The following PDZD2 variants were observed in gnomAD, a reference collection of about 807,000 sequenced individuals.
The protein encoded by PDZD2 is PDZ domain-containing protein 2.
Under a neutral mutation model 220.7 loss-of-function variants are expected in PDZD2, and 90 were observed. That is an observed-to-expected ratio of 0.41 (90% confidence interval 0.34 to 0.49). PDZD2 has a LOEUF of 0.49. Ranked by LOEUF, PDZD2 falls within the 20% of genes least tolerant of loss-of-function variation. PDZD2 has a pLI of 0.28. For synonymous variants in PDZD2, 1,375 were observed against 1,450.5 expected, an observed-to-expected ratio of 0.95 and a Z score of 1.18; for missense variants, 3,174 against 3,608.5, an observed-to-expected ratio of 0.88 and a Z score of 3.08.
At chr5:31,930,491 G>A (rs112230481) in intron 2 of PDZD2, among the ~76,000 whole-genome samples, 270 of 152,074 alleles carry the variant, frequency 1.8e-3, no homozygotes, top group African/African-American at 6.3e-3. Context: ...GAGCCACCGC[G>A]TCCGGCCAGG....
intron 6 of PDZD2, among the ~76,000 whole-genome samples, chr5:32,036,327 T>G (rs1399999057): frequency 6.6e-6 from 1 of 152,204 alleles, no homozygotes; most frequent in Non-Finnish European, 1.5e-5. Context: ...ATTACCTATT[T>G]TAATATAAGA....
chr5:31,856,720 G>A (rs998275571), intron 2 of PDZD2, among the ~76,000 whole-genome samples: 1 of 152,068 alleles, frequency 6.6e-6, no homozygotes, highest in Non-Finnish European at 1.5e-5. Flanking sequence ...TGAGTCCATT[G>A]CACTGTTTCC....
At chr5:31,887,874 G>A (rs62361610) in intron 2 of PDZD2, among the ~76,000 whole-genome samples, 20,838 of 151,560 alleles carry the variant, frequency 0.14, 1,520 homozygotes, top group Middle Eastern at 0.21. Flanking sequence ...GGATTGGTCT[G>A]TGGGGGGACA....
chr5:31,840,298 T>TG lies in PDZD2; in HGVS notation c.476+40581dup, dbSNP rs1008796699. On this transcript the variant is annotated intron_variant, in intron 2 of 24. Coordinates refer to ENST00000438447, the MANE Select transcript of PDZD2 (RefSeq NM_178140.4). ...ATTTTATTCTGAAGGTTTCTTTGAC[T>TG]GGGGGGGAAGAAACCTGAAAGTTTA... is the stretch of plus-strand genomic sequence containing the variant. Among the ~76,000 whole-genome samples the TG allele has an allele frequency of 2.6e-4, 39 of 150,728 alleles. 1 individual carries two copies. Among genetic ancestry groups the TG allele is most frequent in the South Asian group, 8.4e-4 (4 of 4,764 alleles).
At chr5:31,898,819 T>TG (rs1244523154) in intron 2 of PDZD2, among the ~76,000 whole-genome samples, 2 of 149,616 alleles carry the variant, frequency 1.3e-5, no homozygotes, top group African/African-American at 2.5e-5. Context: ...TTTTTTTTTT[T>TG]TTTTTTTGTT....
intron 4 of PDZD2, among the ~76,000 whole-genome samples, chr5:31,997,359 CAA>C (rs1258611789): frequency 6.6e-6 from 1 of 152,108 alleles, no homozygotes; most frequent in Non-Finnish European, 1.5e-5. Flanking sequence ...CACAAACCAG[CAA>C]AGTCTTTTAT....
intron 1 of PDZD2, among the ~76,000 whole-genome samples, chr5:31,682,218 T>C (rs1746678043): frequency 6.6e-6 from 1 of 152,150 alleles, no homozygotes; most frequent in Non-Finnish European, 1.5e-5. Context: ...CTACACAAGC[T>C]TCGCAGAGGG....
At chr5:31,920,556 G>A (rs571004552) in intron 2 of PDZD2, among the ~76,000 whole-genome samples, 1 of 150,762 alleles carries the variant, frequency 6.6e-6, no homozygotes, top group Non-Finnish European at 1.5e-5. Context: ...CCTGTAATCT[G>A]GGCTATAGGG....
chr5:31,991,195 A>G (rs1441365821), intron 3 of PDZD2, among the ~76,000 whole-genome samples: 6 of 152,214 alleles, frequency 3.9e-5, no homozygotes, highest in African/African-American at 9.6e-5. Flanking sequence ...ATCACAGCCT[A>G]TGTTTTTTAA....
chr5:31,919,396 G>A (rs1019100672), intron 2 of PDZD2, among the ~76,000 whole-genome samples: 3 of 150,766 alleles, frequency 2.0e-5, no homozygotes, highest in African/African-American at 7.3e-5. Context: ...GCCTAGGCTA[G>A]AGTGCGGCGG....
In PDZD2 at chr5:32,110,650, T is replaced by C. The variant is rs2111802000; in HGVS notation, c.*2515T>C. The stretch of plus-strand genomic sequence containing the variant: ...AACAAGTAAACCGTAGTTGCAAGAA[T>C]ATACCATGAAGATTAAAGTAGGCTG... On this transcript the variant is annotated 3_prime_UTR_variant, in exon 25 of 25. Transcript: ENST00000438447. 6.5e-6 allele frequency: 1 copy of C among 152,780 alleles called. No homozygotes were observed. The highest frequency in any genetic ancestry group is 2.4e-5 in the African/African-American group (1 of 41,584). The allele number at this position is 152,780 out of a possible 1,614,324, so 9.5% of individuals were successfully genotyped here. A position where few individuals can be genotyped will look rare whatever the true frequency, so the allele number is the denominator to read the frequency against.
chr5:31,676,197 T>C (rs1008679062), intron 1 of PDZD2, among the ~76,000 whole-genome samples: 5 of 152,236 alleles, frequency 3.3e-5, no homozygotes, highest in Admixed American at 1.3e-4. Flanking sequence ...TATTTATTCA[T>C]TTAACAAGAG....
intron 2 of PDZD2, among the ~76,000 whole-genome samples, chr5:31,834,097 C>T (rs1285282809): frequency 6.6e-6 from 1 of 152,172 alleles, no homozygotes; most frequent in African/African-American, 2.4e-5. Context: ...CTGTTTAATA[C>T]AAAGGAACTT....
chr5:31,712,869 G>A (rs1027497162), intron 1 of PDZD2, among the ~76,000 whole-genome samples: 2 of 152,216 alleles, frequency 1.3e-5, no homozygotes, highest in East Asian at 1.9e-4. Context: ...GGGTCTTTGC[G>A]TGTGCAAGGG....
chr5:31,694,744 C>CTTTT (rs34596550), intron 1 of PDZD2, among the ~76,000 whole-genome samples: 3 of 143,840 alleles, frequency 2.1e-5, no homozygotes, highest in South Asian at 2.2e-4. Flanking sequence ...CAATAAATGC[C>CTTTT]TTTTTTTTTT....
chr5:31,856,396 A>C (rs951554161), intron 2 of PDZD2, among the ~76,000 whole-genome samples: 1 of 152,144 alleles, frequency 6.6e-6, no homozygotes, highest in Non-Finnish European at 1.5e-5. Flanking sequence ...GAAGAAAAAG[A>C]GTTCTCAGAG....
Position 32,088,370 on chromosome 5 carries a change from C to A in PDZD2, c.4922C>A (p.Ser1641Ter). 6.2e-7 allele frequency: 1 copy of A among 1,614,080 alleles called. No homozygotes were observed. The highest frequency in any genetic ancestry group is 8.5e-7 in the Non-Finnish European group (1 of 1,180,026). Residue 1641 changes from serine (S) to a stop codon, truncating the protein, a stop_gained, in exon 20 of 25, where the codon TCG becomes TAG. Transcript: ENST00000438447. LOFTEE classifies it high-confidence loss of function. This position sits in a 1 kb window ranked among gnomAD's most constrained non-coding sequence, Gnocchi z 4.6. Reference sequence around the variant, plus strand: ...TTAAAATACAGCACTCCGAGAGAGTCGGTGGCCAGTCCCCGTGAGAAGGCC... The same window carrying A: ...TTAAAATACAGCACTCCGAGAGAGTAGGTGGCCAGTCCCCGTGAGAAGGCC... Reference protein sequence around the residue: ...LSLKYSTPRESVASPREKAAC... With the variant: ...LSLKYSTPRE
chr5:31,730,285 T>C (rs1027877719), intron 1 of PDZD2, among the ~76,000 whole-genome samples: 6 of 152,170 alleles, frequency 3.9e-5, no homozygotes, highest in African/African-American at 1.4e-4. Flanking sequence ...AATGATTTCT[T>C]GTTGCCCTCT....
chr5:31,662,922 AC>A, intron 1 of PDZD2, among the ~76,000 whole-genome samples: 1 of 152,104 alleles, frequency 6.6e-6, no homozygotes, highest in East Asian at 1.9e-4. Context: ...GAGCCACCTC[AC>A]CTGGCCAAGG....
Sources: allele counts gnomAD v4.1 joint callset (sites outside exome capture counted in the v4.1 genomes callset), GRCh38; gene constraint gnomAD v4.1.1; non-coding constraint Gnocchi (gnomAD v3.1); transcripts MANE v1.5; gene names NCBI Gene and HGNC (gene_info 2026-07-23, HGNC 2026-07-21).